Variants in PANK1 observed in about 807,000 individuals in gnomAD.
PANK1 encodes pantothenate kinase 1.
In PANK1, 18 loss-of-function variants were observed where a neutral mutation model predicts 40.1. That is an observed-to-expected ratio of 0.45 (90% CI 0.31 to 0.67). The LOEUF is 0.67. PANK1 is among the 30% of genes least tolerant of loss of function. The pLI, the probability that PANK1 is intolerant of heterozygous loss-of-function variation, is 0.06. For synonymous variants in PANK1, 242 were observed against 237.7 expected (o/e 1.02, Z -0.17); for missense variants, 457 against 599.6 (o/e 0.76, Z 2.48).
At chr10:89,605,986 T>C (rs1844953656) in intron 2 of PANK1, among the ~76,000 whole-genome samples, 1 of 152,232 alleles carries the variant, frequency 6.6e-6, no homozygotes, top group African/African-American at 2.4e-5. Context: ...CTTGGGTGAC[T>C]AGTTGTGTTG....
At chr10:89,593,400 C>T in intron 4 of PANK1, 80 bp from the exon 5 acceptor site, 1 of 1,478,886 alleles carries the variant, frequency 6.8e-7, no homozygotes, top group South Asian at 1.3e-5. Flanking sequence ...TTGTGGAAGG[C>T]TCTACGAGTA....
rs758041681 is a variant in PANK1, at chr10:89,645,027, G to A, written c.-136C>T. On this transcript the variant is annotated 5_prime_UTR_variant, in exon 1 of 7. Transcript: ENST00000307534. ...GCCGCAGAGCCGGCGCCTGGGGATG[G>A]CGAACCCGGCGCTCCTCCCCTCCTC... The A allele has an allele frequency of 1.3e-6, 2 of 1,566,194 alleles. No homozygotes were observed. Among genetic ancestry groups the A allele is most frequent in the Admixed American group, 1.9e-5 (1 of 53,968 alleles).
At chr10:89,644,478 CCTCGA>C (rs1842054420) in intron 1 of PANK1, 117 bp downstream of exon 1, 1 of 827,832 alleles carries the variant, frequency 1.2e-6, no homozygotes, top group Non-Finnish European at 1.8e-6. Flanking sequence ...CTGTGCAGTC[CCTCGA>C]CCGCAGACGC....
chr10:89,605,251 A>T (rs1844925463), intron 2 of PANK1, among the ~76,000 whole-genome samples: 1 of 152,198 alleles, frequency 6.6e-6, no homozygotes, highest in African/African-American at 2.4e-5. Context: ...TTCTTAAAAT[A>T]AACAAAAATG....
intron 3 of PANK1, among the ~76,000 whole-genome samples, chr10:89,594,724 C>T (rs1488495558): frequency 6.6e-6 from 1 of 152,114 alleles, no homozygotes; most frequent in Non-Finnish European, 1.5e-5. Context: ...ATTTAAAAAG[C>T]TTTGACTTGT....
At position 89,645,064 on chromosome 10, in the gene PANK1, C is replaced by G. The variant is rs771406668; in HGVS notation, c.-173G>C. On this transcript the variant is annotated 5_prime_UTR_variant, in exon 1 of 7. Transcript: ENST00000307534. ...CTCCTCCCCTCCTCCTGCCGACTCC[C>G]CCACCTCCTCTGCGCCCTGCCCCCC... 6.4e-7 allele frequency: 1 copy of G among 1,556,578 alleles called. No individual in the cohort carries two copies. The highest frequency in any genetic ancestry group is 8.6e-7 in the Non-Finnish European group (1 of 1,156,802).
chr10:89,621,362 T>C (rs1032814383), intron 1 of PANK1, among the ~76,000 whole-genome samples: 6 of 152,112 alleles, frequency 3.9e-5, no homozygotes, highest in African/African-American at 1.4e-4. Context: ...TCTTTAAAAA[T>C]TTCCTGTCTC....
downstream of PANK1, chr10:89,582,668 T>C (rs142282388): frequency 3.9e-5 from 6 of 152,372 alleles, no homozygotes; most frequent in African/African-American, 1.4e-4. Context: ...TCTGAATTTT[T>C]TTAAAGCCAG....
intron 1 of PANK1, chr10:89,643,950 A>T: frequency 9.0e-7 from 1 of 1,113,632 alleles, no homozygotes; most frequent in Non-Finnish European, 1.2e-6. Context: ...TTCGTTGAAA[A>T]AAAAAATCCA....
At chr10:89,642,930 A>G (rs1842008870) in intron 1 of PANK1, among the ~76,000 whole-genome samples, 1 of 152,220 alleles carries the variant, frequency 6.6e-6, no homozygotes, top group Non-Finnish European at 1.5e-5. Flanking sequence ...AACATAAACC[A>G]CTTTAATTTC....
At chr10:89,582,249 G>C (rs1190797218), downstream of PANK1, 1 of 152,116 alleles carries the variant, frequency 6.6e-6, no homozygotes, top group Non-Finnish European at 1.5e-5. Context: ...TATTGCACAA[G>C]GTCAAAATTC....
chr10:89,643,661 C>CA, intron 1 of PANK1: 3 of 1,485,882 alleles, frequency 2.0e-6, no homozygotes, highest in Non-Finnish European at 9.4e-7. Context: ...AACCTCTATG[C>CA]AAATGCAGTC....
intron 2 of PANK1, among the ~76,000 whole-genome samples, chr10:89,601,589 T>A (rs1165849038): frequency 2.6e-5 from 4 of 152,224 alleles, no homozygotes. Flanking sequence ...TTGAATTTCT[T>A]ATTTAACAAA....
chr10:89,580,185 T>C (rs1844027536), downstream of PANK1: 1 of 152,202 alleles, frequency 6.6e-6, no homozygotes, highest in Non-Finnish European at 1.5e-5. Context: ...GCCATCCTAC[T>C]TACAGCGAAA....
intron 2 of PANK1, among the ~76,000 whole-genome samples, chr10:89,603,886 TA>T (rs1844861265): frequency 6.6e-6 from 1 of 152,184 alleles, no homozygotes; most frequent in East Asian, 1.9e-4. Context: ...TACCAAATCT[TA>T]TGCTCCTGCA....
chr10:89,641,240 T>C (rs1182406758), intron 1 of PANK1, among the ~76,000 whole-genome samples: 2 of 152,218 alleles, frequency 1.3e-5, no homozygotes, highest in Non-Finnish European at 2.9e-5. Context: ...AAATTTTCCT[T>C]ATTTATCTTT....
In PANK1 at chr10:89,595,873, T is replaced by TATATATATATAA. The variant is rs781450193; in HGVS notation, c.900-1885_900-1884insTTATATATATAT. Reference sequence around the variant, plus strand: ...ATATATATATATATATATATATATATAACTTCATTTACTAATATATATATG... The same window carrying TATATATATATAA: ...ATATATATATATATATATATATATATATATATATATAAAACTTCATTTACTAATATATATATG... On this transcript the variant is annotated intron_variant, in intron 3 of 6. Transcript: ENST00000307534. Among the ~76,000 whole-genome samples, 233 of 81,350 alleles carry TATATATATATAA rather than the reference T, an allele frequency of 2.9e-3. 13 individuals are homozygous for TATATATATATAA. The highest frequency in any genetic ancestry group is 0.01 in the Middle Eastern group (1 of 98). 53.4% of individuals were successfully genotyped at this position (81,350 alleles called of 152,430 possible).
intron 5 of PANK1, among the ~76,000 whole-genome samples, chr10:89,589,721 A>G (rs1017294550): frequency 1.3e-5 from 2 of 152,066 alleles, no homozygotes; most frequent in African/African-American, 4.8e-5. Context: ...AGCCACTGAA[A>G]ATTTTCCGTG....
intron 3 of PANK1, among the ~76,000 whole-genome samples, chr10:89,595,135 A>C (rs1166206358): frequency 3.9e-5 from 6 of 152,236 alleles, no homozygotes; most frequent in Admixed American, 3.9e-4. Context: ...GTAGATAGGT[A>C]CATAGTTCTT....
Sources: allele counts gnomAD v4.1 joint callset (sites outside exome capture counted in the v4.1 genomes callset), GRCh38; gene constraint gnomAD v4.1.1; transcripts MANE v1.5; gene names NCBI Gene and HGNC (gene_info 2026-07-23, HGNC 2026-07-21).